RANBP2: variants seen among roughly 807,000 people sequenced by gnomAD.
RANBP2 encodes the protein RAN binding protein 2, also known as E3 SUMO-protein ligase RanBP2.
A neutral mutation model predicts 303.6 loss-of-function variants in RANBP2; 57 were observed. That is an observed-to-expected ratio of 0.19 (90% CI 0.15 to 0.23). RANBP2 has a LOEUF of 0.23. Among genes scored for constraint, RANBP2 ranks in the 10% least tolerant of loss-of-function variants. The pLI is 1.00. For missense variants in RANBP2, 3,138 were observed against 3,780.8 expected (o/e 0.83, Z 4.46); for synonymous variants, 1,167 against 1,301.5 (o/e 0.90, Z 2.23).
At chr2:109,594,547 T>A in the RANBP2 span, 14 of 151,736 alleles carry the variant, frequency 9.2e-5, no homozygotes, top group East Asian at 1.9e-4. Flanking sequence ...CAGCACAGTG[T>A]TCTCCTCTGT....
chr2:109,566,712 G>A, the RANBP2 span, among the ~76,000 whole-genome samples: 1 of 152,062 alleles, frequency 6.6e-6, no homozygotes, highest in Non-Finnish European at 1.5e-5. Flanking sequence ...ACATCAAGAA[G>A]AACAAGATTT....
At chr2:109,073,848 A>G in the RANBP2 span, among the ~76,000 whole-genome samples, 1 of 150,868 alleles carries the variant, frequency 6.6e-6, no homozygotes. Context: ...GAGTACTTCT[A>G]TAGAAGTGTT....
chr2:108,957,976 G>A, the RANBP2 span, among the ~76,000 whole-genome samples: 32 of 152,070 alleles, frequency 2.1e-4, no homozygotes, highest in Admixed American at 7.2e-4. Flanking sequence ...ACTACCAGCA[G>A]TTTAACAAAA....
At chr2:108,806,609 A>G in the RANBP2 span, among the ~76,000 whole-genome samples, 1 of 152,178 alleles carries the variant, frequency 6.6e-6, no homozygotes. Flanking sequence ...CGTAATGCGA[A>G]AACAGCCATA....
At chr2:109,495,464 A>G in the RANBP2 span, among the ~76,000 whole-genome samples, 1 of 139,224 alleles carries the variant, frequency 7.2e-6, no homozygotes, top group African/African-American at 2.8e-5. Flanking sequence ...TTCATCCTGA[A>G]TATCTTTCAT....
the RANBP2 span, among the ~76,000 whole-genome samples, chr2:109,263,915 G>A: frequency 2.0e-5 from 3 of 152,242 alleles, no homozygotes; most frequent in Non-Finnish European, 4.4e-5. Flanking sequence ...CTTGCAGTGA[G>A]CCAAGATCGT....
At chr2:108,912,677 C>A in the RANBP2 span, 2 of 1,588,062 alleles carry the variant, frequency 1.3e-6, no homozygotes, top group Non-Finnish European at 1.7e-6. Context: ...ACCCTCCTCA[C>A]CTTTGTGGGC....
the RANBP2 span, among the ~76,000 whole-genome samples, chr2:109,565,452 T>C: frequency 6.6e-6 from 1 of 152,212 alleles, no homozygotes; most frequent in African/African-American, 2.4e-5. Flanking sequence ...TGACTGTTCT[T>C]ATACTTAAGT....
At chr2:109,594,538 A>G in the RANBP2 span, among the ~76,000 whole-genome samples, 1 of 151,426 alleles carries the variant, frequency 6.6e-6, no homozygotes, top group African/African-American at 2.4e-5. Context: ...TTCTTTCTAC[A>G]GCACAGTGTT....
the RANBP2 span, among the ~76,000 whole-genome samples, chr2:108,792,137 A>C: frequency 6.6e-6 from 1 of 152,252 alleles, no homozygotes; most frequent in African/African-American, 2.4e-5. Context: ...CTGAACTGCC[A>C]GCAGTTTTCT....
the RANBP2 span, chr2:108,798,649 T>C: frequency 2.3e-6 from 3 of 1,303,714 alleles, no homozygotes; most frequent in Non-Finnish European, 3.2e-6. Flanking sequence ...GATTCACTAG[T>C]TACTAACATT....
chr2:109,059,852 C>T, the RANBP2 span, among the ~76,000 whole-genome samples: 1 of 151,982 alleles, frequency 6.6e-6, no homozygotes, highest in Non-Finnish European at 1.5e-5. Context: ...ATGTGGCAGA[C>T]AAGAGCCACT....
the RANBP2 span, among the ~76,000 whole-genome samples, chr2:109,560,268 C>T: frequency 6.6e-6 from 1 of 152,292 alleles, no homozygotes; most frequent in South Asian, 2.1e-4. Context: ...TCATTATTCT[C>T]CAAGAATTGT....
chr2:109,666,726 T>C, the RANBP2 span, among the ~76,000 whole-genome samples: 10 of 152,152 alleles, frequency 6.6e-5, no homozygotes, highest in African/African-American at 2.4e-4. Context: ...TCCAGAGAGG[T>C]TGACAGTCAA....
At chr2:109,593,139 G>T in the RANBP2 span, 2 of 1,557,456 alleles carry the variant, frequency 1.3e-6, no homozygotes, top group Non-Finnish European at 1.7e-6. Flanking sequence ...GAATACAAAG[G>T]CTTAAAAGGA....
At chr2:109,109,239 T>C in the RANBP2 span, among the ~76,000 whole-genome samples, 3 of 152,238 alleles carry the variant, frequency 2.0e-5, no homozygotes, top group Admixed American at 6.5e-5. Context: ...GCAGGGCACC[T>C]TTCCGAGGAA....
chr2:109,565,929 TGA>T, the RANBP2 span: 152 of 1,315,266 alleles, frequency 1.2e-4, 4 homozygotes, highest in South Asian at 1.6e-3. Context: ...AAATTTTATG[TGA>T]GAGAGAAGAG....
chr2:109,564,705 T>A, the RANBP2 span, among the ~76,000 whole-genome samples: 1 of 152,218 alleles, frequency 6.6e-6, no homozygotes, highest in African/African-American at 2.4e-5. Context: ...GAAGAAACTC[T>A]TGCAGTATAA....
the RANBP2 span, among the ~76,000 whole-genome samples, chr2:109,721,787 C>T: frequency 6.6e-6 from 1 of 152,220 alleles, no homozygotes; most frequent in Non-Finnish European, 1.5e-5. Flanking sequence ...CACCATAGCC[C>T]CATGGGTGCA....
Sources: gnomAD v4.1 joint callset for allele counts (sites outside exome capture counted in the v4.1 genomes callset) on GRCh38, gnomAD v4.1.1 for gene constraint, MANE v1.5 for transcripts, NCBI Gene and HGNC (gene_info 2026-07-23, HGNC 2026-07-21) for gene names.